The following DLGAP2 variants were observed in gnomAD, a reference collection of about 807,000 sequenced individuals.
The protein encoded by DLGAP2 is disks large-associated protein 2.
A neutral mutation model predicts 100.3 loss-of-function variants in DLGAP2; 26 were observed. The ratio of observed to expected loss-of-function variants is 0.26; its 90% CI spans 0.19 to 0.36. DLGAP2 has a LOEUF of 0.36. DLGAP2 is among the 10% of genes least tolerant of loss of function. The probability of loss-of-function intolerance (pLI) is 1.00; values close to 1 mark genes in which losing one functional copy is unlikely to be tolerated. For missense variants in DLGAP2, 1,858 were observed against 1,453.2 expected, an observed-to-expected ratio of 1.28 and a Z score of -4.53; for synonymous variants, 886 against 630.1, an observed-to-expected ratio of 1.41 and a Z score of -6.08.
intron 3 of DLGAP2, among the ~76,000 whole-genome samples, chr8:1,445,057 A>C (rs1470700399): frequency 1.4e-5 from 2 of 143,256 alleles, no homozygotes; most frequent in African/African-American, 5.2e-5. Context: ...GGCATGAGCC[A>C]CCGCGCCCAG....
intron 9 of DLGAP2, among the ~76,000 whole-genome samples, chr8:1,669,030 G>C (rs1798621165): frequency 6.6e-6 from 1 of 152,222 alleles, no homozygotes. Flanking sequence ...GCTTTAAAGG[G>C]GAGGGTTTCT....
chr8:1,165,272 A>G (rs1796992766), intron 2 of DLGAP2, among the ~76,000 whole-genome samples: 1 of 151,668 alleles, frequency 6.6e-6, no homozygotes, highest in African/African-American at 2.4e-5. Flanking sequence ...AAGAAGGGAG[A>G]CAGAGACAGA....
At chr8:1,228,629 T>G (rs1016013400) in intron 2 of DLGAP2, among the ~76,000 whole-genome samples, 4 of 152,218 alleles carry the variant, frequency 2.6e-5, no homozygotes, top group African/African-American at 9.6e-5. Flanking sequence ...CAAGTTTGTT[T>G]TGACATCTGC....
At chr8:1,448,040 C>A (rs1358720936) in intron 3 of DLGAP2, among the ~76,000 whole-genome samples, 1 of 152,078 alleles carries the variant, frequency 6.6e-6, no homozygotes, top group Non-Finnish European at 1.5e-5. Flanking sequence ...AAAACCAGCT[C>A]CTGGATTCAT....
intron 1 of DLGAP2, chr8:738,623 C>T (rs1231461769): frequency 1.3e-5 from 2 of 149,890 alleles, no homozygotes; most frequent in Admixed American, 6.6e-5. Context: ...CAGCCCTGCG[C>T]GGAGGGCTGG....
At chr8:1,111,980 A>G (rs184250203) in intron 2 of DLGAP2, among the ~76,000 whole-genome samples, 3 of 152,178 alleles carry the variant, frequency 2.0e-5, no homozygotes, top group Admixed American at 1.3e-4. Context: ...AGGAATCACC[A>G]CACACTGCTT....
At chr8:1,648,335 G>A (rs1798089375) in intron 8 of DLGAP2, among the ~76,000 whole-genome samples, 1 of 152,168 alleles carries the variant, frequency 6.6e-6, no homozygotes, top group African/African-American at 2.4e-5. Flanking sequence ...CTTATCAGAT[G>A]TTCTATGTGG....
intron 2 of DLGAP2, among the ~76,000 whole-genome samples, chr8:1,140,780 C>A (rs1796507840): frequency 1.3e-5 from 2 of 152,220 alleles, no homozygotes; most frequent in South Asian, 4.1e-4. Context: ...AGAGACCAGC[C>A]TGGCCAACAG....
chr8:1,212,276 C>G (rs1474268596), intron 2 of DLGAP2, among the ~76,000 whole-genome samples: 2 of 152,182 alleles, frequency 1.3e-5, no homozygotes, highest in Admixed American at 6.5e-5. Flanking sequence ...AGGGATTGGA[C>G]TTGGAGCTGC....
At chr8:1,690,456 G>C (rs552572332) in intron 12 of DLGAP2, among the ~76,000 whole-genome samples, 6 of 151,804 alleles carry the variant, frequency 4.0e-5, no homozygotes, top group African/African-American at 7.3e-5. Flanking sequence ...TGTAATCCCA[G>C]CTTTTTGGGA....
chr8:1,653,794 G>C (rs1027121723), intron 8 of DLGAP2, among the ~76,000 whole-genome samples: 1 of 152,076 alleles, frequency 6.6e-6, no homozygotes, highest in Non-Finnish European at 1.5e-5. Context: ...CCATAGTGTG[G>C]GTTTGGGACC....
At chr8:1,692,460 G>T (rs1162398067) in intron 13 of DLGAP2, among the ~76,000 whole-genome samples, 1 of 151,648 alleles carries the variant, frequency 6.6e-6, no homozygotes, top group Non-Finnish European at 1.5e-5. Flanking sequence ...CAGGGAGGTG[G>T]ATATGGCCCT....
chr8:1,652,527 G>A (rs1298283190), intron 8 of DLGAP2, among the ~76,000 whole-genome samples: 4 of 152,122 alleles, frequency 2.6e-5, no homozygotes, highest in East Asian at 1.9e-4. Flanking sequence ...ACTAACCCTG[G>A]TCTTGTGCGT....
At chr8:1,475,758 C>T (rs1798914765) in intron 3 of DLGAP2, among the ~76,000 whole-genome samples, 1 of 152,150 alleles carries the variant, frequency 6.6e-6, no homozygotes, top group Non-Finnish European at 1.5e-5. Flanking sequence ...GCTTGTCAGA[C>T]AGAATTACTG....
intron 10 of DLGAP2, among the ~76,000 whole-genome samples, chr8:1,672,409 G>A (rs1188401597): frequency 6.6e-6 from 1 of 151,996 alleles, no homozygotes; most frequent in Non-Finnish European, 1.5e-5. Context: ...TGTATTTTTA[G>A]TAGAGATGGG....
intron 2 of DLGAP2, among the ~76,000 whole-genome samples, chr8:910,035 A>C (rs1333501825): frequency 2.6e-5 from 4 of 152,214 alleles, no homozygotes; most frequent in Admixed American, 1.3e-4. Flanking sequence ...TAAGGAGATT[A>C]ACTTTGGAAT....
intron 6 of DLGAP2, among the ~76,000 whole-genome samples, chr8:1,618,065 A>G (rs999105468): frequency 3.9e-5 from 6 of 152,240 alleles, no homozygotes; most frequent in Admixed American, 3.3e-4. Flanking sequence ...GCCGACTCTC[A>G]GCTCCTCTAC....
intron 2 of DLGAP2, among the ~76,000 whole-genome samples, chr8:1,164,461 G>T (rs972518779): frequency 7.9e-5 from 12 of 152,222 alleles, no homozygotes; most frequent in Middle Eastern, 3.4e-3. Flanking sequence ...CGATGGCCTG[G>T]CTCTCACTGG....
intron 2 of DLGAP2, among the ~76,000 whole-genome samples, chr8:1,207,460 T>G (rs576990807): frequency 6.6e-6 from 1 of 152,370 alleles, no homozygotes; most frequent in South Asian, 2.1e-4. Context: ...ATACCACATT[T>G]TCTTTTTTTA....
Sources: allele counts gnomAD v4.1 joint callset (sites outside exome capture counted in the v4.1 genomes callset), GRCh38; gene constraint gnomAD v4.1.1; transcripts MANE v1.5; gene names NCBI Gene and HGNC (gene_info 2026-07-23, HGNC 2026-07-21).